RBM44: variants seen among roughly 807,000 people sequenced by gnomAD.
RBM44 encodes RNA-binding protein 44.
RBM44 carries 66 observed loss-of-function variants against 105.1 expected under a neutral mutation model. The observed-to-expected ratio is 0.63, with a 90% CI of 0.52 to 0.77. The LOEUF (loss-of-function observed/expected upper bound fraction) is 0.77. Ranked by LOEUF, RBM44 falls within the 30% of genes least tolerant of loss-of-function variation. The pLI is 0.00. For synonymous variants in RBM44, 365 were observed against 417.6 expected (o/e 0.87, Z 1.54); for missense variants, 1,122 against 1,207.8 (o/e 0.93, Z 1.05).
At chr2:237,839,706 G>A (rs1039344569) in intron 15 of RBM44, among the ~76,000 whole-genome samples, 1 of 152,108 alleles carries the variant, frequency 6.6e-6, no homozygotes, top group African/African-American at 2.4e-5. Flanking sequence ...AGAAAACGGT[G>A]GAAAACTTTT....
rs765456927 is a variant in RBM44 at position 237,834,439 on chromosome 2, T to G, written c.*22+16T>G. 7.6e-6 allele frequency: 10 copies of G among 1,317,464 alleles called. No individual in the cohort carries two copies. Among genetic ancestry groups the G allele is most frequent in the Non-Finnish European group, 1.0e-5 (10 of 981,840 alleles). 81.6% of individuals were successfully genotyped at this position (1,317,464 alleles called of 1,614,324 possible). On this transcript the variant is annotated intron_variant, in intron 15 of 15. Transcript: ENST00000316997. Reference sequence around the variant, plus strand: ...CAATAAAGAGGTAAAGTAATCATATTCTTTTGTATTTGAATATTACTTAAA... The same window carrying G: ...CAATAAAGAGGTAAAGTAATCATATGCTTTTGTATTTGAATATTACTTAAA...
chr2:237,832,433 T>C (rs1301940257), intron 13 of RBM44, among the ~76,000 whole-genome samples: 1 of 152,100 alleles, frequency 6.6e-6, no homozygotes, highest in African/African-American at 2.4e-5. Context: ...GGATTACAGG[T>C]GTGAGCCACC....
At chr2:237,816,088 A>G (rs1435291097) in intron 2 of RBM44, among the ~76,000 whole-genome samples, 3 of 152,310 alleles carry the variant, frequency 2.0e-5, no homozygotes, top group East Asian at 1.9e-4. Flanking sequence ...TGAAAATGCC[A>G]TGTTCTTTCA....
At chr2:237,823,090 G>A (rs1279225311) in intron 8 of RBM44, among the ~76,000 whole-genome samples, 1 of 151,124 alleles carries the variant, frequency 6.6e-6, no homozygotes, top group Non-Finnish European at 1.5e-5. Flanking sequence ...AGCTGTTAAA[G>A]GTTAATGTGA....
intron 1 of RBM44, among the ~76,000 whole-genome samples, chr2:237,802,602 T>A (rs1412356893): frequency 6.6e-6 from 1 of 152,196 alleles, no homozygotes; most frequent in Non-Finnish European, 1.5e-5. Context: ...TTATATCAGG[T>A]AAGTTTGGGA....
chr2:237,815,737 T>C (rs1170739810), intron 2 of RBM44, among the ~76,000 whole-genome samples: 1 of 152,124 alleles, frequency 6.6e-6, no homozygotes, highest in African/African-American at 2.4e-5. Flanking sequence ...AAAAAATCTT[T>C]TGAAAACCAC....
chr2:237,835,835 A>G (rs905721522), intron 15 of RBM44, among the ~76,000 whole-genome samples: 1 of 151,978 alleles, frequency 6.6e-6, no homozygotes, highest in Middle Eastern at 3.4e-3. Flanking sequence ...ACTATACCCA[A>G]CATATAGTCT....
Position 237,815,333 on chromosome 2 carries a change from A to G in RBM44, c.73+1651A>G, listed in dbSNP as rs564794479. 1.7e-4 allele frequency among the ~76,000 whole-genome samples: 26 copies of G among 152,256 alleles called. No individual in the cohort carries two copies. In the South Asian group the frequency reaches 5.2e-3, roughly 30 times the overall value. On this transcript the variant is annotated intron_variant, in intron 2 of 15. Transcript: ENST00000316997. ...GACATTCACATCTGGGTGTTTTATT[A>G]CTAACCTCAAACTCTACTTGCCCAG...
Position 237,803,166 on chromosome 2 carries a change from C to G in RBM44, c.-19+4305C>G, listed in dbSNP as rs1392630600. On this transcript the variant is annotated intron_variant, in intron 1 of 15. Transcript: ENST00000316997. The surrounding 1 kb of genome is among the most constrained non-coding windows in gnomAD (Gnocchi z 4.2). ...CCTGTAGTGCCAGCTACAAAGGAGG[C>G]TGAGGCAGGAGAATCACTTTGACCT... Among the ~76,000 whole-genome samples, 3 of 152,128 alleles carry G rather than the reference C, an allele frequency of 2.0e-5. No homozygotes were observed. Among genetic ancestry groups the G allele is most frequent in the Non-Finnish European group, 4.4e-5 (3 of 68,028 alleles).
chr2:237,811,608 A>G (rs950462656), intron 1 of RBM44, among the ~76,000 whole-genome samples: 1 of 151,900 alleles, frequency 6.6e-6, no homozygotes, highest in African/African-American at 2.4e-5. Context: ...AGGAATTGAT[A>G]TAAGATGTAT....
chr2:237,827,713 C>T (rs2150985695), intron 12 of RBM44, among the ~76,000 whole-genome samples: 1 of 152,120 alleles, frequency 6.6e-6, no homozygotes, highest in Non-Finnish European at 1.5e-5. Flanking sequence ...TACTTTATAA[C>T]TTGTTAATGG....
intron 1 of RBM44, among the ~76,000 whole-genome samples, chr2:237,810,231 T>C (rs1025727229): frequency 1.9e-4 from 29 of 152,274 alleles, no homozygotes; most frequent in African/African-American, 6.8e-4. Flanking sequence ...GTGTGGCTGC[T>C]GGTCAATGCA....
chr2:237,813,397 G>A lies in RBM44; in HGVS notation c.-18-195G>A, dbSNP rs140222492. Among the ~76,000 whole-genome samples the A allele has an allele frequency of 2.2e-4, 33 of 152,144 alleles. 1 individual carries two copies. In the East Asian group the frequency reaches 4.8e-3, roughly 22 times the overall value. ...TCTTGGAAACTTTTTATCTAGGTTC[G>A]ACATAAATAGGGTGATATTATGGTC... is the stretch of plus-strand genomic sequence containing the variant. On this transcript the variant is annotated intron_variant, in intron 1 of 15. Transcript: ENST00000316997.
chr2:237,818,033 C>T lies in RBM44; in HGVS notation c.1114C>T (p.Gln372Ter), dbSNP rs1162316892. The T allele has an allele frequency of 6.2e-7, 1 of 1,612,652 alleles. No homozygotes were observed. Among genetic ancestry groups the T allele is most frequent in the East Asian group, 2.2e-5 (1 of 44,854 alleles). ...GGATAAAGCTTTAGAGACATTACTC[C>T]AACCCTGTAAAGATTGTCAAACTTC... ...PQDKALETLL[Q>*]PCKDCQTSWT... Residue 372 changes from glutamine to a stop codon, truncating the protein, a stop_gained, in exon 3 of 16, where the codon CAA (glutamine) becomes TAA (stop). Coordinates refer to ENST00000316997, the MANE Select transcript of RBM44 (RefSeq NM_001080504.3). LOFTEE classifies it high-confidence loss of function. This position sits in a 1 kb window ranked among gnomAD's most constrained non-coding sequence, Gnocchi z 4.6.
At chr2:237,816,920 T>C in intron 2 of RBM44, 73 bp from the exon 3 acceptor site, 1 of 915,440 alleles carries the variant, frequency 1.1e-6, no homozygotes, top group Non-Finnish European at 1.6e-6. Context: ...TTAAACCAGA[T>C]CATGTCTAAG....
chr2:237,829,557 G>C, intron 13 of RBM44, 55 bp downstream of exon 13: 1 of 1,421,312 alleles, frequency 7.0e-7, no homozygotes, highest in Non-Finnish European at 9.6e-7. Flanking sequence ...ATTGCTGTAA[G>C]TAGCTTTGTA....
rs188544036 is a variant in RBM44, at chr2:237,803,808, A to G, written c.-19+4947A>G. On this transcript the variant is annotated intron_variant, in intron 1 of 15. Coordinates refer to ENST00000316997, the MANE Select transcript of RBM44 (RefSeq NM_001080504.3). This position sits in a 1 kb window ranked among gnomAD's most constrained non-coding sequence, Gnocchi z 4.2. ...GTGGTGTGAGGTGTGGGTCCAGGCA[A>G]TTTTTCCCTCTAGGTAAAAATCTAG... Among the ~76,000 whole-genome samples the G allele has an allele frequency of 4.8e-4, 73 of 151,748 alleles. No homozygotes were observed. Among genetic ancestry groups the G allele is most frequent in the Non-Finnish European group, 7.2e-4 (49 of 67,982 alleles).
chr2:237,821,787 A>G lies in RBM44; in HGVS notation c.2165A>G (p.Asp722Gly), dbSNP rs775055031. Residue 722 changes from aspartate to glycine, a missense_variant, in exon 8 of 16, where the codon GAT (aspartate) becomes GGT (glycine). Asp to Gly is a moderately conservative substitution (Grantham distance 94, BLOSUM62 -1). This residue lies in a region of RBM44 where 918 missense variants were observed against 955.3 expected (regional missense o/e 0.96). Coordinates refer to ENST00000316997, the MANE Select transcript of RBM44 (RefSeq NM_001080504.3). Reference sequence around the variant, plus strand: ...GAACAAGATAATCAGAGGGCTCATGATGTTGATGTTTCTTCAAACCTAAAA... The same window carrying G: ...GAACAAGATAATCAGAGGGCTCATGGTGTTGATGTTTCTTCAAACCTAAAA... ...DAEQDNQRAH[D>G]VDVSSNLKKT... is the part of the protein sequence containing the mutation. 1.9e-6 allele frequency: 3 copies of G among 1,611,428 alleles called. No individual in the cohort carries two copies. Among genetic ancestry groups the G allele is most frequent in the African/African-American group, 2.7e-5 (2 of 74,940 alleles).
intron 13 of RBM44, among the ~76,000 whole-genome samples, chr2:237,833,670 T>A (rs1351199245): frequency 6.6e-6 from 1 of 152,234 alleles, no homozygotes; most frequent in Non-Finnish European, 1.5e-5. Context: ...AGTTATGTCC[T>A]ATCTTTGAGA....
Sources: allele counts gnomAD v4.1 joint callset (sites outside exome capture counted in the v4.1 genomes callset), GRCh38; gene constraint gnomAD v4.1.1; regional missense constraint gnomAD v4.1.1; non-coding constraint Gnocchi (gnomAD v3.1); transcripts MANE v1.5; gene names NCBI Gene and HGNC (gene_info 2026-07-23, HGNC 2026-07-21).